Variants in NSMCE2 observed in about 807,000 individuals in gnomAD.
The protein encoded by NSMCE2 is NSE2 SUMO ligase component of SMC5/6 complex.
NSMCE2 carries 24 observed loss-of-function variants against 23.8 expected under a neutral mutation model. The ratio of observed to expected loss-of-function variants is 1.01; its 90% CI spans 0.73 to 1.42. The LOEUF is 1.42. Among genes scored for constraint, NSMCE2 ranks in the 40% most tolerant of loss-of-function variants. The pLI is 0.00. For synonymous variants in NSMCE2, 92 were observed against 94.1 expected, an observed-to-expected ratio of 0.98 and a Z score of 0.13; for missense variants, 284 against 296.5, an observed-to-expected ratio of 0.96 and a Z score of 0.31.
chr8:125,285,729 A>G (rs1209368990), intron 5 of NSMCE2, among the ~76,000 whole-genome samples: 2 of 149,146 alleles, frequency 1.3e-5, no homozygotes, highest in Non-Finnish European at 3.0e-5. Flanking sequence ...GAGCACCTAC[A>G]GTATGCTAAG....
intron 5 of NSMCE2, among the ~76,000 whole-genome samples, chr8:125,236,853 T>A (rs756014830): frequency 6.6e-6 from 1 of 151,958 alleles, no homozygotes; most frequent in Non-Finnish European, 1.5e-5. Flanking sequence ...TTTGCTAGAC[T>A]CTTAAAAGGA....
At chr8:125,141,354 A>G (rs1256917711) in intron 3 of NSMCE2, among the ~76,000 whole-genome samples, 1 of 152,152 alleles carries the variant, frequency 6.6e-6, no homozygotes, top group Non-Finnish European at 1.5e-5. Context: ...TGACTTTTGC[A>G]TGAAGGGTAT....
intron 3 of NSMCE2, among the ~76,000 whole-genome samples, chr8:125,150,250 T>C (rs1485205310): frequency 6.6e-6 from 1 of 152,168 alleles, no homozygotes. Context: ...CTCAGCTTAC[T>C]GTGGGATAGT....
chr8:125,253,899 A>G (rs1304315370), intron 5 of NSMCE2, among the ~76,000 whole-genome samples: 2 of 152,182 alleles, frequency 1.3e-5, no homozygotes, highest in Admixed American at 1.3e-4. Flanking sequence ...GTTAAATGAC[A>G]ATTCCCCCTC....
At chr8:125,282,334 G>A (rs1434982175) in intron 5 of NSMCE2, among the ~76,000 whole-genome samples, 1 of 151,986 alleles carries the variant, frequency 6.6e-6, no homozygotes, top group Non-Finnish European at 1.5e-5. Flanking sequence ...GGCTCGTCTC[G>A]AACTCCTGAC....
At chr8:125,222,237 A>T (rs1320281450) in intron 5 of NSMCE2, among the ~76,000 whole-genome samples, 1 of 151,526 alleles carries the variant, frequency 6.6e-6, no homozygotes. Flanking sequence ...GATTTTTTAA[A>T]ATTTTTTAAT....
intron 5 of NSMCE2, among the ~76,000 whole-genome samples, chr8:125,269,582 C>G (rs1052421903): frequency 6.6e-6 from 1 of 152,144 alleles, no homozygotes; most frequent in Admixed American, 6.5e-5. Flanking sequence ...CAGCAGGGGT[C>G]TGATGAATGT....
chr8:125,146,654 C>G (rs954943147), intron 3 of NSMCE2, among the ~76,000 whole-genome samples: 1 of 152,030 alleles, frequency 6.6e-6, no homozygotes, highest in African/African-American at 2.4e-5. Context: ...GGACAGAAAA[C>G]CAAACACCGC....
chr8:125,243,765 T>A (rs1166681177), intron 5 of NSMCE2, among the ~76,000 whole-genome samples: 1 of 152,146 alleles, frequency 6.6e-6, no homozygotes, highest in African/African-American at 2.4e-5. Context: ...TTACTTTGTA[T>A]CCAATTACCT....
chr8:125,240,890 C>T (rs1165610449), intron 5 of NSMCE2, among the ~76,000 whole-genome samples: 2 of 152,122 alleles, frequency 1.3e-5, no homozygotes, highest in South Asian at 2.1e-4. Flanking sequence ...TATTCATGCA[C>T]CCCTGGTATC....
intron 5 of NSMCE2, among the ~76,000 whole-genome samples, chr8:125,258,220 GT>G (rs1477896584): frequency 1.3e-5 from 2 of 152,214 alleles, no homozygotes; most frequent in African/African-American, 4.8e-5. Context: ...CAGGAGATAA[GT>G]TTGTTCACTG....
intron 5 of NSMCE2, among the ~76,000 whole-genome samples, chr8:125,320,079 G>A (rs1026205862): frequency 5.9e-5 from 9 of 151,584 alleles, no homozygotes; most frequent in Admixed American, 1.3e-4. Flanking sequence ...AGGAGGCTGC[G>A]GCAGGAAAAT....
intron 3 of NSMCE2, among the ~76,000 whole-genome samples, chr8:125,107,050 T>TA (rs754090950): frequency 6.6e-6 from 1 of 152,102 alleles, no homozygotes; most frequent in East Asian, 1.9e-4. Flanking sequence ...CAAATGCTGT[T>TA]AGTTGTTGTC....
At chr8:125,344,564 G>A (rs1258456680) in intron 5 of NSMCE2, among the ~76,000 whole-genome samples, 1 of 152,006 alleles carries the variant, frequency 6.6e-6, no homozygotes, top group African/African-American at 2.4e-5. Context: ...CCAACATGGT[G>A]AAACCCCGTC....
At chr8:125,138,058 G>A (rs1359259496) in intron 3 of NSMCE2, among the ~76,000 whole-genome samples, 1 of 152,138 alleles carries the variant, frequency 6.6e-6, no homozygotes, top group Non-Finnish European at 1.5e-5. Context: ...TTGAAATTCA[G>A]AAAGACTTTC....
intron 5 of NSMCE2, among the ~76,000 whole-genome samples, chr8:125,260,443 C>G (rs72720574): frequency 6.6e-6 from 1 of 151,102 alleles, no homozygotes; most frequent in Non-Finnish European, 1.5e-5. Flanking sequence ...TCTATACTTT[C>G]GTGTGTGGTA....
chr8:125,328,532 G>A (rs1461070434), intron 5 of NSMCE2, among the ~76,000 whole-genome samples: 1 of 152,102 alleles, frequency 6.6e-6, no homozygotes, highest in Non-Finnish European at 1.5e-5. Context: ...AAGGCCTGCT[G>A]GTTTCAGAAT....
At chr8:125,280,516 T>C (rs1227270540) in intron 5 of NSMCE2, among the ~76,000 whole-genome samples, 1 of 152,242 alleles carries the variant, frequency 6.6e-6, no homozygotes, top group African/African-American at 2.4e-5. Context: ...CTGGACTTTC[T>C]AACAAACAGG....
chr8:125,161,393 TTTTAAA>T (rs1821620852), intron 4 of NSMCE2, among the ~76,000 whole-genome samples: 1 of 152,230 alleles, frequency 6.6e-6, no homozygotes, highest in Non-Finnish European at 1.5e-5. Flanking sequence ...TTATGAATAG[TTTTAAA>T]TTTAATGATC....
Sources: gnomAD v4.1 joint callset for allele counts (sites outside exome capture counted in the v4.1 genomes callset) on GRCh38, gnomAD v4.1.1 for gene constraint, MANE v1.5 for transcripts, NCBI Gene and HGNC (gene_info 2026-07-23, HGNC 2026-07-21) for gene names.